The following CRYBG3 variants were observed in gnomAD, a reference collection of about 807,000 sequenced individuals.
The protein encoded by CRYBG3 is crystallin beta-gamma domain containing 3.
A neutral mutation model predicts 244.2 loss-of-function variants in CRYBG3; 127 were observed. That is an observed-to-expected ratio of 0.52 (90% CI 0.45 to 0.60). The LOEUF is 0.60. CRYBG3 is among the 20% of genes least tolerant of loss of function. The probability of loss-of-function intolerance (pLI) is 0.00; values close to 1 mark genes in which losing one functional copy is unlikely to be tolerated. For synonymous variants in CRYBG3, 1,132 were observed against 1,195.8 expected (o/e 0.95, Z 1.10); for missense variants, 3,325 against 3,442.5 (o/e 0.97, Z 0.85).
chr3:97,879,827 CT>C, intron 5 of CRYBG3, 79 bp downstream of exon 5: 1 of 1,052,920 alleles, frequency 9.5e-7, no homozygotes, highest in Non-Finnish European at 1.4e-6. Flanking sequence ...ATATAAGTGA[CT>C]TAGATAATGA....
rs1427019176 is a variant in CRYBG3, at chr3:97,872,832, AG to A, written c.1639del (p.Ala547LeufsTer37). 1 of 1,535,900 alleles carries A rather than the reference AG, an allele frequency of 6.5e-7. No individual in the cohort carries two copies. The highest frequency in any genetic ancestry group is 1.4e-5 in the African/African-American group (1 of 73,056). On this transcript the variant is annotated frameshift_variant, in exon 4 of 22. Transcript: ENST00000389622. LOFTEE classifies it high-confidence loss of function. ...AATCCATAGCTTCAAGTCATGTAAA[AG>A]CTCCAGAAGATAAAATTGAGTCATT... ...GESIASSHVK[A>X]PEDKIESLPK...
In CRYBG3 at chr3:97,872,190, T is replaced by TTTAAATAAAAA. The variant is rs1327020716; in HGVS notation, c.998_1008dup (p.Ala337Ter). ...AGAATATTGCCTCTTCCAATAATCT[T>TTTAAATAAAAA]TTAAATAAAAATGCTTGGGGGAGTA... On this transcript the variant is annotated frameshift_variant, in exon 4 of 22. Coordinates refer to ENST00000389622, the MANE Select transcript of CRYBG3 (RefSeq NM_153605.4). LOFTEE classifies it high-confidence loss of function. 9.1e-6 allele frequency: 14 copies of TTTAAATAAAAA among 1,535,630 alleles called. No homozygotes were observed. The highest frequency in any genetic ancestry group is 1.2e-5 in the Non-Finnish European group (14 of 1,146,642).
In CRYBG3 at chr3:97,873,892, G is replaced by T. The variant is rs1422922708; in HGVS notation, c.2698G>T (p.Asp900Tyr). The change falls in exon 4 of 22, where the codon GAT (aspartate) becomes TAT (tyrosine). Residue 900 changes from aspartate to tyrosine, a missense_variant. Coordinates refer to ENST00000389622, the MANE Select transcript of CRYBG3 (RefSeq NM_153605.4). ...TAATGAGATAGGAGAGAAATGTTCA[G>T]ATGCTGGCCTTAAAGAGAATTGCCA... Reference protein sequence around the residue: ...NHNEIGEKCSDAGLKENCQAE... With the variant: ...NHNEIGEKCSYAGLKENCQAE... 2 of 1,536,006 alleles carry T rather than the reference G, an allele frequency of 1.3e-6. No homozygotes were observed. Among genetic ancestry groups the T allele is most frequent in the Non-Finnish European group, 1.7e-6 (2 of 1,146,854 alleles).
chr3:97,850,821 A>G (rs2108183846), intron 2 of CRYBG3, among the ~76,000 whole-genome samples: 1 of 152,302 alleles, frequency 6.6e-6, no homozygotes, highest in East Asian at 1.9e-4. Flanking sequence ...ACCCACCACG[A>G]TGAAATCCTT....
chr3:97,859,626 A>G (rs1358570783), intron 2 of CRYBG3, among the ~76,000 whole-genome samples: 1 of 152,156 alleles, frequency 6.6e-6, no homozygotes, highest in African/African-American at 2.4e-5. Flanking sequence ...TAGCCTGTTC[A>G]TTTGGAGCTG....
chr3:97,876,744 A>G lies in CRYBG3; in HGVS notation c.5550A>G (p.Pro1850=). ...PSVIEMEKIS[P]EDRGENIGKH... ...TGATAGAAATGGAAAAAATATCCCC[A>G]GAAGATCGTGGTGAGAATATTGGGA... The change falls in exon 4 of 22, where the codon CCA becomes CCG. Residue 1850 remains proline, a synonymous_variant. Transcript: ENST00000389622. 1 of 1,255,692 alleles carries G rather than the reference A, an allele frequency of 8.0e-7. No homozygotes were observed. Among genetic ancestry groups the G allele is most frequent in the Non-Finnish European group, 1.0e-6 (1 of 1,002,804 alleles). 77.8% of individuals were successfully genotyped at this position (1,255,692 alleles called of 1,614,324 possible). A position where few individuals can be genotyped will look rare whatever the true frequency, so the allele number is the denominator to read the frequency against.
chr3:97,907,394 T>C (rs2039790260), intron 15 of CRYBG3, among the ~76,000 whole-genome samples: 1 of 152,096 alleles, frequency 6.6e-6, no homozygotes, highest in African/African-American at 2.4e-5. Flanking sequence ...TTTTGGTTGG[T>C]AATCTATTGA....
At chr3:97,879,235 C>A (rs2108222130) in intron 4 of CRYBG3, among the ~76,000 whole-genome samples, 1 of 152,262 alleles carries the variant, frequency 6.6e-6, no homozygotes, top group East Asian at 1.9e-4. Context: ...TACACTTTTC[C>A]CCAGGATGGT....
chr3:97,921,541 A>G (rs924097132), intron 17 of CRYBG3, among the ~76,000 whole-genome samples: 2 of 152,162 alleles, frequency 1.3e-5, no homozygotes, highest in African/African-American at 4.8e-5. Context: ...GAGGGGTTGT[A>G]CTTTGGACTT....
intron 17 of CRYBG3, among the ~76,000 whole-genome samples, chr3:97,922,469 A>G (rs1231239560): frequency 1.3e-5 from 2 of 152,218 alleles, no homozygotes; most frequent in African/African-American, 4.8e-5. Context: ...CAGAATCTAC[A>G]AAGAACTCAA....
rs766020804 is a variant in CRYBG3 at position 97,942,318 on chromosome 3, G to A, written c.8699G>A (p.Arg2900Gln). 16 of 1,610,736 alleles carry A rather than the reference G, an allele frequency of 9.9e-6. No homozygotes were observed. Among genetic ancestry groups the A allele is most frequent in the East Asian group, 2.2e-5 (1 of 44,804 alleles). ...SDTCLDVIGG[R>Q]DTPGAKVALW... ...ACATGTCTTGATGTGATTGGTGGCC[G>A]GGACACACCTGGAGCTAAAGTAGCT... The change falls in exon 21 of 22, where the codon CGG becomes CAG. Residue 2900 changes from arginine (R) to glutamine (Q), a missense_variant. Coordinates refer to ENST00000389622, the MANE Select transcript of CRYBG3 (RefSeq NM_153605.4).
chr3:97,827,318 C>T (rs1287276133), intron 1 of CRYBG3, among the ~76,000 whole-genome samples: 2 of 152,156 alleles, frequency 1.3e-5, no homozygotes, highest in African/African-American at 2.4e-5. Context: ...TAACATTCAG[C>T]TAGGGGTGGT....
chr3:97,904,862 A>G (rs1391353501), intron 15 of CRYBG3, among the ~76,000 whole-genome samples: 2 of 149,476 alleles, frequency 1.3e-5, no homozygotes, highest in Non-Finnish European at 3.0e-5. Flanking sequence ...AGCATTAGGT[A>G]TATCTCCCAA....
chr3:97,943,504 C>T lies in CRYBG3; in HGVS notation c.*190C>T. 2 of 538,232 alleles carry T rather than the reference C, an allele frequency of 3.7e-6. No homozygotes were observed. The highest frequency in any genetic ancestry group is 5.0e-5 in the South Asian group (2 of 39,774). The allele number at this position is 538,232 out of a possible 1,614,324, so 33.3% of individuals were successfully genotyped here. On this transcript the variant is annotated 3_prime_UTR_variant, in exon 22 of 22. Coordinates refer to ENST00000389622, the MANE Select transcript of CRYBG3 (RefSeq NM_153605.4). ...AAAGCTCAAAATATTCTTGCCATTACTCAGTGTTCCTATAAAGAAAATATT... is the reference window on the plus strand; with the variant it reads ...AAAGCTCAAAATATTCTTGCCATTATTCAGTGTTCCTATAAAGAAAATATT...
Position 97,877,525 on chromosome 3 carries a change from A to C in CRYBG3, c.6331A>C (p.Arg2111=), listed in dbSNP as rs2039394702. The C allele has an allele frequency of 6.2e-7, 1 of 1,614,048 alleles. No homozygotes were observed. Among genetic ancestry groups the C allele is most frequent in the Non-Finnish European group, 8.5e-7 (1 of 1,180,024 alleles). The change falls in exon 4 of 22, where the codon AGG becomes CGG. Residue 2111 remains arginine, a synonymous_variant. Transcript: ENST00000389622. ...SEVSPGHHGP[R]KSRDSENQSS... ...GGTTTCACCTGGTCACCATGGCCCC[A>C]GGAAATCAAGAGACAGTGAAAACCA... is the stretch of plus-strand genomic sequence containing the variant.
chr3:97,822,451 A>G (rs903768014), intron 1 of CRYBG3, 96 bp downstream of exon 1: 3 of 1,189,200 alleles, frequency 2.5e-6, no homozygotes, highest in Non-Finnish European at 3.4e-6. Flanking sequence ...CTCTTGGGCC[A>G]GGCTGCAGTT....
rs1193481135 is a variant in CRYBG3 at position 97,894,083 on chromosome 3, T to A, written c.7574+1090T>A. ...TTTGGATAAACACATTTTTATTGTG[T>A]TCATTTGTAATATTGTCTGGTTTGT... On this transcript the variant is annotated intron_variant, in intron 11 of 21. Coordinates refer to ENST00000389622, the MANE Select transcript of CRYBG3 (RefSeq NM_153605.4). Among the ~76,000 whole-genome samples the A allele has an allele frequency of 3.9e-5, 6 of 152,164 alleles. No individual in the cohort carries two copies. The East Asian group carries it at 1.2e-3, about 29-fold the overall frequency.
intron 2 of CRYBG3, 26 bp downstream of exon 2, chr3:97,843,287 T>C: frequency 9.3e-7 from 1 of 1,080,200 alleles, no homozygotes; most frequent in Non-Finnish European, 1.3e-6. Context: ...AATATTATTT[T>C]ATATCAAGCA....
chr3:97,892,120 TG>T (rs1183932494), intron 10 of CRYBG3, among the ~76,000 whole-genome samples: 15 of 152,166 alleles, frequency 9.9e-5, no homozygotes, highest in African/African-American at 3.6e-4. Flanking sequence ...TTTGAAGAAA[TG>T]CTTCAGGATC....
Sources: allele counts gnomAD v4.1 joint callset (sites outside exome capture counted in the v4.1 genomes callset), GRCh38; gene constraint gnomAD v4.1.1; transcripts MANE v1.5; gene names NCBI Gene and HGNC (gene_info 2026-07-23, HGNC 2026-07-21).